The following SLC9B1 variants were observed in gnomAD, a reference collection of about 807,000 sequenced individuals.
The protein encoded by SLC9B1 is sodium/hydrogen exchanger 9B1.
SLC9B1 carries 32 observed loss-of-function variants against 51.7 expected under a neutral mutation model. The observed-to-expected ratio is 0.62, with a 90% CI of 0.47 to 0.83. The LOEUF (loss-of-function observed/expected upper bound fraction) is 0.83, where lower values mean the gene tolerates loss of function less well. SLC9B1 is among the 40% of genes least tolerant of loss of function. The probability of loss-of-function intolerance (pLI) is 0.00; values close to 1 mark genes in which losing one functional copy is unlikely to be tolerated. For synonymous variants in SLC9B1, 145 were observed against 212.7 expected, an observed-to-expected ratio of 0.68 and a Z score of 2.77; for missense variants, 406 against 613.2, an observed-to-expected ratio of 0.66 and a Z score of 3.57.
At chr4:102,919,454 T>C (rs1709623158) in intron 7 of SLC9B1, among the ~76,000 whole-genome samples, 1 of 152,144 alleles carries the variant, frequency 6.6e-6, no homozygotes. Flanking sequence ...GATGGCCAAA[T>C]AGGAACAGTT....
intron 1 of SLC9B1, among the ~76,000 whole-genome samples, chr4:103,003,183 T>G (rs930095385): frequency 2.0e-5 from 3 of 152,198 alleles, no homozygotes; most frequent in African/African-American, 7.2e-5. Context: ...TCTTGTTTCT[T>G]CAGTTCTTTA....
intron 11 of SLC9B1, among the ~76,000 whole-genome samples, chr4:102,905,205 T>TTTTATTTATTTA (rs1255225574): frequency 1.3e-5 from 1 of 74,154 alleles, no homozygotes; most frequent in Non-Finnish European, 2.7e-5. Flanking sequence ...GGTTCTTTGT[T>TTTTATTTATTTA]TTTGTTTATT....
chr4:102,968,755 G>A (rs1265384913), intron 3 of SLC9B1, among the ~76,000 whole-genome samples: 2 of 152,224 alleles, frequency 1.3e-5, no homozygotes, highest in Admixed American at 6.5e-5. Context: ...CAGCACAAGG[G>A]GTCGGGGGAT....
At chr4:102,982,254 T>G (rs899720476) in intron 3 of SLC9B1, among the ~76,000 whole-genome samples, 1 of 152,162 alleles carries the variant, frequency 6.6e-6, no homozygotes, top group African/African-American at 2.4e-5. Flanking sequence ...TTCTGTTTGA[T>G]TGATCTCTTT....
chr4:102,886,746 C>A (rs1733943214), intron 11 of SLC9B1, among the ~76,000 whole-genome samples: 1 of 123,572 alleles, frequency 8.1e-6, no homozygotes, highest in South Asian at 3.1e-4. Context: ...CTCCCAAGTA[C>A]CCGAGACACA....
intron 3 of SLC9B1, among the ~76,000 whole-genome samples, chr4:102,959,386 C>A (rs1244326484): frequency 6.6e-6 from 1 of 152,154 alleles, no homozygotes; most frequent in East Asian, 1.9e-4. Context: ...CTCCTGCCAA[C>A]ATAAATAGGT....
At chr4:102,941,092 CT>C (rs1736973119) in intron 6 of SLC9B1, among the ~76,000 whole-genome samples, 2 of 152,078 alleles carry the variant, frequency 1.3e-5, no homozygotes, top group Non-Finnish European at 2.9e-5. Flanking sequence ...AATTTCAATT[CT>C]GGAAAACACT....
chr4:102,885,356 G>A, intron 11 of SLC9B1: 1 of 1,614,066 alleles, frequency 6.2e-7, no homozygotes, highest in Non-Finnish European at 8.5e-7. Context: ...AAATCCGAAA[G>A]TAGTGAATGA....
chr4:102,941,528 T>C, intron 6 of SLC9B1: 1 of 451,004 alleles, frequency 2.2e-6, no homozygotes, highest in Non-Finnish European at 4.4e-6. Flanking sequence ...TACTCCCAGG[T>C]CTTTGGAAGG....
At chr4:102,885,229 T>C (rs1349980203) in exon 12 of SLC9B1, 1 of 1,613,938 alleles carries the variant, frequency 6.2e-7, no homozygotes. Flanking sequence ...CAGAATGGCT[T>C]CGGTTATTGC....
Position 102,910,548 on chromosome 4 carries a change from A to G in SLC9B1, c.977T>C (p.Met326Thr), listed in dbSNP as rs938310359. Reference protein sequence around the residue: ...TLKRGFLVLTMCVSAVLGSQR... With the variant: ...TLKRGFLVLTTCVSAVLGSQR... ...GCTGCCTAAGACGGCAGAAACACAC[A>G]TAGTCAAAACAAGGAATCCTCTCTT... The change falls in exon 9 of 12, where the codon ATG becomes ACG. Residue 326 changes from methionine to threonine, a missense_variant. By Grantham distance (81) the Met-to-Thr change is moderately conservative. This residue lies in a region of SLC9B1 where 250 missense variants were observed against 394.1 expected (regional missense o/e 0.63). Coordinates refer to ENST00000296422, the MANE Select transcript of SLC9B1 (RefSeq NM_139173.4). 7 of 1,530,058 alleles carry G rather than the reference A, an allele frequency of 4.6e-6. No individual in the cohort carries two copies. Among genetic ancestry groups the G allele is most frequent in the African/African-American group, 4.2e-5 (3 of 71,000 alleles). The allele number at this position is 1,530,058 out of a possible 1,614,324, so 94.8% of individuals were successfully genotyped here.
intron 7 of SLC9B1, among the ~76,000 whole-genome samples, chr4:102,916,154 A>G (rs1431613501): frequency 3.9e-5 from 6 of 152,218 alleles, no homozygotes; most frequent in Non-Finnish European, 8.8e-5. Flanking sequence ...GAGATTGGCC[A>G]AATGGATTTA....
rs1427838237 is a variant in SLC9B1 at position 103,000,589 on chromosome 4, C to T, written c.-1-8877G>A. 2.6e-5 allele frequency among the ~76,000 whole-genome samples: 4 copies of T among 152,334 alleles called. No individual in the cohort carries two copies. In the East Asian group the frequency reaches 5.8e-4, roughly 22 times the overall value. Reference sequence around the variant, plus strand: ...TTGGTCAAAACAAAGGGGCTATGGGCCCCACGTAAGTCTAAAATCCAGTGG... The same window carrying T: ...TTGGTCAAAACAAAGGGGCTATGGGTCCCACGTAAGTCTAAAATCCAGTGG... On this transcript the variant is annotated intron_variant, in intron 1 of 11. Coordinates refer to ENST00000296422, the MANE Select transcript of SLC9B1 (RefSeq NM_139173.4).
chr4:103,010,461 T>C (rs1741035851), intron 1 of SLC9B1, among the ~76,000 whole-genome samples: 1 of 152,234 alleles, frequency 6.6e-6, no homozygotes, highest in Non-Finnish European at 1.5e-5. Flanking sequence ...ACATGAGTTT[T>C]GGAGGGGACA....
rs370605263 is a variant in SLC9B1 at position 102,904,382 on chromosome 4, A to G, written c.1332+1132T>C. The stretch of plus-strand genomic sequence containing the variant: ...GCCTGTGTCTCTACTTTTTAAAATC[A>G]TAACATTTAGCTTTGTTATATTCAG... On this transcript the variant is annotated intron_variant, in intron 11 of 11. Coordinates refer to ENST00000296422, the MANE Select transcript of SLC9B1 (RefSeq NM_139173.4). Among the ~76,000 whole-genome samples, 16 of 152,208 alleles carry G rather than the reference A, an allele frequency of 1.1e-4. No individual in the cohort carries two copies. In the East Asian group the frequency reaches 2.9e-3, roughly 28 times the overall value.
chr4:102,972,712 C>CTA (rs543169600), intron 3 of SLC9B1, among the ~76,000 whole-genome samples: 235 of 152,052 alleles, frequency 1.5e-3, no homozygotes, highest in South Asian at 6.2e-3. Flanking sequence ...TTGTACAACT[C>CTA]TATAAATTTA....
chr4:102,907,255 A>G (rs1251505951), intron 9 of SLC9B1, among the ~76,000 whole-genome samples: 1 of 152,170 alleles, frequency 6.6e-6, no homozygotes, highest in East Asian at 1.9e-4. Flanking sequence ...CTGTAAAGTA[A>G]CTGAACAGAG....
intron 3 of SLC9B1, among the ~76,000 whole-genome samples, chr4:102,959,748 G>C (rs558921384): frequency 6.6e-6 from 1 of 152,266 alleles, no homozygotes; most frequent in African/African-American, 2.4e-5. Context: ...CCAAGGATTT[G>C]TTCTCAGTGA....
intron 7 of SLC9B1, among the ~76,000 whole-genome samples, chr4:102,918,497 C>T (rs9917919): frequency 0.54 from 82,787 of 152,000 alleles, 23,084 homozygotes; most frequent in African/African-American, 0.68. Context: ...TAATGAGAAA[C>T]GGTCAGTTGA....
Sources: gnomAD v4.1 joint callset for allele counts (sites outside exome capture counted in the v4.1 genomes callset) on GRCh38, gnomAD v4.1.1 for gene constraint, gnomAD v4.1.1 regional missense constraint, MANE v1.5 for transcripts, NCBI Gene and HGNC (gene_info 2026-07-23, HGNC 2026-07-21) for gene names.